Variants in GGNBP2 observed in about 807,000 individuals in gnomAD.
GGNBP2 encodes the protein gametogenetin binding protein 2, also known as gametogenetin-binding protein 2.
Under a neutral mutation model 85.9 loss-of-function variants are expected in GGNBP2, and 10 were observed. The observed-to-expected ratio is 0.12, with a 90% confidence interval of 0.07 to 0.20. The LOEUF (loss-of-function observed/expected upper bound fraction) is 0.20. Among genes scored for constraint, GGNBP2 ranks in the 10% least tolerant of loss-of-function variants. The pLI is 1.00. For missense variants in GGNBP2, 595 were observed against 857.8 expected (o/e 0.69, Z 3.83); for synonymous variants, 287 against 285.7 (o/e 1.00, Z -0.05).
At chr17:36,579,531 C>T in intron 8 of GGNBP2, 112 bp downstream of exon 8, 1 of 901,768 alleles carries the variant, frequency 1.1e-6, no homozygotes, top group South Asian at 1.7e-5. Flanking sequence ...GATAGAGCTT[C>T]ATGGATTTGG....
intron 6 of GGNBP2, chr17:36,575,433 C>T: frequency 5.9e-6 from 1 of 168,620 alleles, no homozygotes; most frequent in Non-Finnish European, 1.3e-5. Flanking sequence ...AAGAGTTTCC[C>T]CTATGTTTTC....
intron 6 of GGNBP2, chr17:36,574,322 TACACTCTGATGTTCGCACAGCA>T (rs1339886827): frequency 6.4e-6 from 1 of 156,130 alleles, no homozygotes; most frequent in Non-Finnish European, 1.4e-5. Context: ...TTTGTGTAAG[TACACTCTGATGTTCGCACAGCA>T]ACAAAATAGC....
chr17:36,573,006 A>G (rs1244027892), intron 6 of GGNBP2, among the ~76,000 whole-genome samples: 1 of 152,084 alleles, frequency 6.6e-6, no homozygotes, highest in African/African-American at 2.4e-5. Flanking sequence ...AGATTCATCT[A>G]TGTTGTAGCA....
At chr17:36,571,437 C>A (rs1009922964) in intron 6 of GGNBP2, among the ~76,000 whole-genome samples, 2 of 152,116 alleles carry the variant, frequency 1.3e-5, no homozygotes, top group African/African-American at 2.4e-5. Flanking sequence ...GTAATCCCAG[C>A]TACTCAGGAG....
At chr17:36,583,198 C>T (rs141132711) in intron 9 of GGNBP2, among the ~76,000 whole-genome samples, 359 of 152,118 alleles carry the variant, frequency 2.4e-3, no homozygotes, top group African/African-American at 8.1e-3. Flanking sequence ...GGGCTACAGG[C>T]GTGTGCCACC....
chr17:36,547,453 CATAA>C (rs1260842454), intron 2 of GGNBP2: 38 of 152,146 alleles, frequency 2.5e-4, no homozygotes, highest in South Asian at 6.2e-4. Flanking sequence ...GGAAAACCAA[CATAA>C]ATAGTCTTCA....
In GGNBP2 at chr17:36,589,463, C is replaced by T. The variant is rs1416828789; in HGVS notation, c.*52C>T. On this transcript the variant is annotated 3_prime_UTR_variant, in exon 14 of 14. Transcript: ENST00000613102. ...TGAAACACTCACGATGACTACTGCG[C>T]CTTCTCTTTCGAAAAACTCTTAATT... 1 of 1,366,172 alleles carries T rather than the reference C, an allele frequency of 7.3e-7. No individual in the cohort carries two copies. Among genetic ancestry groups the T allele is most frequent in the Non-Finnish European group, 1.0e-6 (1 of 974,894 alleles). 84.6% of individuals were successfully genotyped at this position (1,366,172 alleles called of 1,614,324 possible).
chr17:36,557,357 G>T (rs777683499), intron 4 of GGNBP2, 21 bp downstream of exon 4: 1 of 1,592,626 alleles, frequency 6.3e-7, no homozygotes, highest in Non-Finnish European at 8.6e-7. Flanking sequence ...TCAATTAGGA[G>T]AAAATGGGTT....
intron 5 of GGNBP2, among the ~76,000 whole-genome samples, chr17:36,561,325 T>C (rs2074414480): frequency 6.6e-6 from 1 of 152,052 alleles, no homozygotes. Context: ...GGTTTCACCC[T>C]ATTGGCCAGG....
chr17:36,571,568 G>T (rs939590607), intron 6 of GGNBP2, among the ~76,000 whole-genome samples: 1 of 152,054 alleles, frequency 6.6e-6, no homozygotes, highest in African/African-American at 2.4e-5. Flanking sequence ...CAGGCCGGGT[G>T]CCATGGCTCA....
Position 36,589,679 on chromosome 17 carries a change from ACTTAGTGGC to A in GGNBP2, c.*269_*277del. 1 of 467,034 alleles carries A rather than the reference ACTTAGTGGC, an allele frequency of 2.1e-6. No individual in the cohort carries two copies. Among genetic ancestry groups the A allele is most frequent in the African/African-American group, 1.9e-5 (1 of 51,346 alleles). The allele number at this position is 467,034 out of a possible 1,614,324, so 28.9% of individuals were successfully genotyped here. On this transcript the variant is annotated 3_prime_UTR_variant, in exon 14 of 14. Coordinates refer to ENST00000613102, the MANE Select transcript of GGNBP2 (RefSeq NM_024835.5). ...TCTTCCTGTGAGACTTACTAAAGCA[ACTTAGTGGC>A]AAAAAGTAATGTTGTACTTATAATT...
intron 6 of GGNBP2, among the ~76,000 whole-genome samples, chr17:36,569,035 G>A (rs1167567259): frequency 2.0e-5 from 3 of 151,872 alleles, no homozygotes; most frequent in African/African-American, 7.2e-5. Context: ...TTACAGGTGT[G>A]AGCCACCGTG....
At chr17:36,583,288 G>A (rs1048217050) in intron 9 of GGNBP2, among the ~76,000 whole-genome samples, 10 of 152,010 alleles carry the variant, frequency 6.6e-5, no homozygotes, top group East Asian at 1.9e-4. Context: ...TCTTGACCTC[G>A]TGATCCGCCC....
intron 6 of GGNBP2, among the ~76,000 whole-genome samples, chr17:36,572,385 T>A (rs916868966): frequency 6.6e-6 from 1 of 152,182 alleles, no homozygotes; most frequent in Non-Finnish European, 1.5e-5. Context: ...TGCGCGCGTA[T>A]GTGTATATTT....
intron 2 of GGNBP2, among the ~76,000 whole-genome samples, chr17:36,549,392 A>G (rs927851075): frequency 1.3e-5 from 2 of 152,080 alleles, no homozygotes; most frequent in Non-Finnish European, 2.9e-5. Context: ...TTTAGAAGAG[A>G]TGGGGGTTTC....
intron 9 of GGNBP2, 82 bp from the exon 10 acceptor site, chr17:36,585,218 G>A (rs1198306690): frequency 1.7e-6 from 2 of 1,191,028 alleles, no homozygotes; most frequent in African/African-American, 1.5e-5. Flanking sequence ...CTATTAGGAT[G>A]AAAATAGTTT....
chr17:36,574,570 CT>C, intron 6 of GGNBP2: 1 of 506,878 alleles, frequency 2.0e-6, no homozygotes, highest in Non-Finnish European at 3.4e-6. Flanking sequence ...ATACAGTCTC[CT>C]TCCAGAGGTC....
In GGNBP2 at chr17:36,589,592, T is replaced by C. The variant is rs754863444; in HGVS notation, c.*181T>C. 32 of 598,460 alleles carry C rather than the reference T, an allele frequency of 5.3e-5. No individual in the cohort carries two copies. The highest frequency in any genetic ancestry group is 8.3e-5 in the Non-Finnish European group (28 of 339,202). The allele number at this position is 598,460 out of a possible 1,614,324, so 37.1% of individuals were successfully genotyped here. On this transcript the variant is annotated 3_prime_UTR_variant, in exon 14 of 14. Coordinates refer to ENST00000613102, the MANE Select transcript of GGNBP2 (RefSeq NM_024835.5). ...AGTTCTTTCTTCAGGCTTGTGTCTT[T>C]AGTTGCGTGGCTGCGCAGGCCTGCC...
intron 6 of GGNBP2, chr17:36,576,631 ATATG>A (rs2074592591): frequency 9.6e-6 from 1 of 104,166 alleles, no homozygotes; most frequent in Non-Finnish European, 1.8e-5. Context: ...GTGTGTGTGT[ATATG>A]TATATATGTA....
Sources: allele counts gnomAD v4.1 joint callset (sites outside exome capture counted in the v4.1 genomes callset), GRCh38; gene constraint gnomAD v4.1.1; transcripts MANE v1.5; gene names NCBI Gene and HGNC (gene_info 2026-07-23, HGNC 2026-07-21).